SLIT2: variants seen among roughly 807,000 people sequenced by gnomAD.
SLIT2 encodes the protein slit guidance ligand 2, also known as slit homolog 2 protein.
A neutral mutation model predicts 185.7 loss-of-function variants in SLIT2; 41 were observed. The ratio of observed to expected loss-of-function variants is 0.22; its 90% CI spans 0.17 to 0.29. The LOEUF is 0.29. SLIT2 is among the 10% of genes least tolerant of loss of function. SLIT2 has a pLI of 1.00. For synonymous variants in SLIT2, 693 were observed against 680.2 expected, an observed-to-expected ratio of 1.02 and a Z score of -0.29; for missense variants, 1,571 against 1,909.0, an observed-to-expected ratio of 0.82 and a Z score of 3.30.
At chr4:20,614,622 A>G (rs1578027856) in intron 34 of SLIT2, among the ~76,000 whole-genome samples, 1 of 151,848 alleles carries the variant, frequency 6.6e-6, no homozygotes, top group Non-Finnish European at 1.5e-5. Context: ...TACTAAAATT[A>G]CAAAATAAGC....
At position 20,541,493 on chromosome 4, in the gene SLIT2, G is replaced by C; in HGVS notation, c.2017G>C (p.Ala673Pro). ...ANPFNCNCYL[A>P]WLGEWLRKKR... ...TCCTTTTAACTGTAACTGCTACCTG[G>C]CTTGGTTGGGAGAGTGGCTGAGAAA... The change falls in exon 20 of 37, where the codon GCT becomes CCT. Residue 673 changes from alanine to proline, a missense_variant. This residue lies in a region of SLIT2 where 1,202 missense variants were observed against 1,416.4 expected (regional missense o/e 0.85). Coordinates refer to ENST00000504154, the MANE Select transcript of SLIT2 (RefSeq NM_004787.4). The C allele has an allele frequency of 6.2e-7, 1 of 1,614,004 alleles. No individual in the cohort carries two copies. Among genetic ancestry groups the C allele is most frequent in the Non-Finnish European group, 8.5e-7 (1 of 1,179,932 alleles).
rs577318436 is a variant in SLIT2, at chr4:20,513,740, G to A, written c.1058+2603G>A. Among the ~76,000 whole-genome samples the A allele has an allele frequency of 6.3e-4, 96 of 151,764 alleles. 1 individual carries two copies. Among genetic ancestry groups the A allele is most frequent in the Admixed American group, 4.5e-3 (69 of 15,232 alleles). On this transcript the variant is annotated intron_variant, in intron 11 of 36. Transcript: ENST00000504154. ...AGGGATAAGGATAGCTGTGGTTGGC[G>A]GGGGGAAGCTAAAACCTTAAATAAG...
Position 20,541,558 on chromosome 4 carries a change from A to G in SLIT2, c.2082A>G (p.Pro694=), listed in dbSNP as rs753195246. The change falls in exon 20 of 37, where the codon CCA becomes CCG. Residue 694 remains proline (P), a synonymous_variant. Coordinates refer to ENST00000504154, the MANE Select transcript of SLIT2 (RefSeq NM_004787.4). ...IVTGNPRCQK[P]YFLKEIPIQD... is the part of the protein sequence containing the mutation. ...CGGGAAATCCTAGATGTCAAAAACCATACTTCCTGAAAGAAATACCCATCC... is the reference window on the plus strand; with the variant it reads ...CGGGAAATCCTAGATGTCAAAAACCGTACTTCCTGAAAGAAATACCCATCC... 1.1e-5 allele frequency: 17 copies of G among 1,614,010 alleles called. No homozygotes were observed. Among genetic ancestry groups the G allele is most frequent in the Non-Finnish European group, 1.4e-5 (16 of 1,179,892 alleles).
chr4:20,258,483 A>G (rs1712094285), intron 3 of SLIT2, among the ~76,000 whole-genome samples: 1 of 151,780 alleles, frequency 6.6e-6, no homozygotes, highest in Non-Finnish European at 1.5e-5. Flanking sequence ...CTTTAAAAAT[A>G]TTTATTCTGG....
At chr4:20,368,569 A>G (rs541992772) in intron 4 of SLIT2, among the ~76,000 whole-genome samples, 1 of 152,146 alleles carries the variant, frequency 6.6e-6, no homozygotes, top group Non-Finnish European at 1.5e-5. Context: ...AATTGTAGTC[A>G]TGTAAAAATT....
chr4:20,519,197 T>C (rs753807764), intron 11 of SLIT2, among the ~76,000 whole-genome samples, 185 bp from the exon 12 acceptor site: 1 of 152,200 alleles, frequency 6.6e-6, no homozygotes, highest in African/African-American at 2.4e-5. Flanking sequence ...TGTTCTACAG[T>C]AAGCATATAT....
At chr4:20,478,936 A>G (rs193045323) in intron 5 of SLIT2, among the ~76,000 whole-genome samples, 14 of 152,342 alleles carry the variant, frequency 9.2e-5, no homozygotes, top group East Asian at 5.8e-4. Context: ...CAGCAGCCAT[A>G]TTACATCATG....
Position 20,379,761 on chromosome 4 carries a change from A to G in SLIT2, c.396-87991A>G, listed in dbSNP as rs557580736. On this transcript the variant is annotated intron_variant, in intron 4 of 36. Coordinates refer to ENST00000504154, the MANE Select transcript of SLIT2 (RefSeq NM_004787.4). ...ACAATAATAAGCAGGACAGGAGAGAAATTTATGAGAGATGGGAAACAAGGT... is the reference window on the plus strand; with the variant it reads ...ACAATAATAAGCAGGACAGGAGAGAGATTTATGAGAGATGGGAAACAAGGT... Among the ~76,000 whole-genome samples, 87 of 152,296 alleles carry G rather than the reference A, an allele frequency of 5.7e-4. No individual in the cohort carries two copies. In the South Asian group the frequency reaches 0.015, roughly 25 times the overall value.
At chr4:20,392,194 A>G (rs1577564448) in intron 4 of SLIT2, 2 of 152,086 alleles carry the variant, frequency 1.3e-5, no homozygotes, top group African/African-American at 2.4e-5. Flanking sequence ...GGAATAGCCT[A>G]TTGCTCCTAG....
chr4:20,539,625 TTATTA>T, intron 19 of SLIT2, 41 bp downstream of exon 19: 1 of 1,350,008 alleles, frequency 7.4e-7, no homozygotes, highest in Non-Finnish European at 1.0e-6. Context: ...CTTGAGCCAT[TTATTA>T]TATTTGTTAA....
At chr4:20,570,735 A>ATATATATATATATATATATATATATG (rs1560204488) in intron 29 of SLIT2, among the ~76,000 whole-genome samples, 19 of 19,832 alleles carry the variant, frequency 9.6e-4, no homozygotes, top group Admixed American at 1.8e-3. Context: ...ATATATGTAT[A>ATATATATATATATATATATATATATG]TATATATATA....
At chr4:20,306,199 C>G (rs111647300) in intron 4 of SLIT2, among the ~76,000 whole-genome samples, 1 of 151,928 alleles carries the variant, frequency 6.6e-6, no homozygotes, top group Non-Finnish European at 1.5e-5. Context: ...GTATGGAACA[C>G]GGGGAGAAAG....
intron 21 of SLIT2, among the ~76,000 whole-genome samples, chr4:20,542,837 TGTGTGTGTGTGTGTGTGTGTGTGTGC>T (rs1477825209): frequency 2.4e-3 from 211 of 89,368 alleles, no homozygotes; most frequent in African/African-American, 1.0e-2. Flanking sequence ...TGTGTGTGTG[TGTGTGTGTGTGTGTGTGTGTGTGTGC>T]GCTATAAGAT....
chr4:20,406,451 T>A (rs10017664), intron 4 of SLIT2, among the ~76,000 whole-genome samples: 141,901 of 142,510 alleles, frequency 1, 70,667 homozygotes, highest in Middle Eastern at 1. Flanking sequence ...ATCAATAAGA[T>A]AAAAGCAAAT....
intron 29 of SLIT2, among the ~76,000 whole-genome samples, chr4:20,583,195 T>C (rs925277634): frequency 6.6e-6 from 1 of 152,212 alleles, no homozygotes; most frequent in East Asian, 1.9e-4. Context: ...ACATAAACTC[T>C]GTGGAAATAG....
chr4:20,481,069 G>C (rs767502696), intron 6 of SLIT2, among the ~76,000 whole-genome samples: 1 of 151,106 alleles, frequency 6.6e-6, no homozygotes, highest in Non-Finnish European at 1.5e-5. Flanking sequence ...TAAATATTGA[G>C]ATAAAATCAA....
intron 4 of SLIT2, among the ~76,000 whole-genome samples, chr4:20,389,826 G>A (rs1282541685): frequency 6.6e-6 from 1 of 152,104 alleles, no homozygotes; most frequent in Non-Finnish European, 1.5e-5. Flanking sequence ...GTTATCATTA[G>A]CAATGGAGGC....
chr4:20,286,286 C>T (rs962212953), intron 4 of SLIT2, among the ~76,000 whole-genome samples: 30 of 152,120 alleles, frequency 2.0e-4, no homozygotes, highest in Non-Finnish European at 4.0e-4. Context: ...CTCTCTCCCC[C>T]ACCCTCATCC....
intron 4 of SLIT2, among the ~76,000 whole-genome samples, chr4:20,312,788 A>AAAG (rs1718239008): frequency 6.7e-6 from 1 of 148,592 alleles, no homozygotes. Context: ...AAAAAAAAAA[A>AAAG]AAAAAGAAAG....
Sources: allele counts gnomAD v4.1 joint callset (sites outside exome capture counted in the v4.1 genomes callset), GRCh38; gene constraint gnomAD v4.1.1; regional missense constraint gnomAD v4.1.1; transcripts MANE v1.5; gene names NCBI Gene and HGNC (gene_info 2026-07-23, HGNC 2026-07-21).